Variants in ZBTB16 observed in about 807,000 individuals in gnomAD.
ZBTB16 encodes zinc finger and BTB domain containing 16.
In ZBTB16, 8 loss-of-function variants were observed where a neutral mutation model predicts 56.8. The ratio of observed to expected loss-of-function variants is 0.14; its 90% CI spans 0.08 to 0.25. The LOEUF is 0.25. Ranked by LOEUF, ZBTB16 falls within the 10% of genes least tolerant of loss-of-function variation. The pLI is 1.00. For synonymous variants in ZBTB16, 363 were observed against 368.5 expected, an observed-to-expected ratio of 0.98 and a Z score of 0.17; for missense variants, 625 against 903.0, an observed-to-expected ratio of 0.69 and a Z score of 3.95.
At chr11:114,095,245 C>CTTTTCTTTTTTTT (rs1555132749) in intron 2 of ZBTB16, among the ~76,000 whole-genome samples, 7 of 90,458 alleles carry the variant, frequency 7.7e-5, no homozygotes, top group East Asian at 2.7e-4. Flanking sequence ...CTTTTCTTTT[C>CTTTTCTTTTTTTT]TTTTTTTTTT....
intron 2 of ZBTB16, among the ~76,000 whole-genome samples, chr11:114,083,346 ATCC>A (rs1939842416): frequency 6.6e-6 from 1 of 152,170 alleles, no homozygotes; most frequent in Non-Finnish European, 1.5e-5. Flanking sequence ...CAGTATAGAC[ATCC>A]TCCTTCCCTG....
rs1565714322 is a variant in ZBTB16, at chr11:114,255,735, GA to G, written c.*5189del. On this transcript the variant is annotated 3_prime_UTR_variant, in exon 7 of 7. Coordinates refer to ENST00000335953, the MANE Select transcript of ZBTB16 (RefSeq NM_006006.6). ...ACAAGATTTAAAAAAAAAAAAAAAGGAAAAAAAAAGAAAAAATGAATTTACT... is the reference window on the plus strand; with the variant it reads ...ACAAGATTTAAAAAAAAAAAAAAAGGAAAAAAAAGAAAAAATGAATTTACT... Among the ~76,000 whole-genome samples the G allele has an allele frequency of 9.3e-5, 13 of 140,294 alleles. No individual in the cohort carries two copies. The highest frequency in any genetic ancestry group is 4.6e-4 in the South Asian group (2 of 4,310). 92.0% of individuals were successfully genotyped at this position (140,294 alleles called of 152,430 possible). A position where few individuals can be genotyped will look rare whatever the true frequency, so the allele number is the denominator to read the frequency against.
Position 114,247,087 on chromosome 11 carries a change from G to A in ZBTB16, c.1625-111G>A. The A allele has an allele frequency of 2.1e-6, 3 of 1,419,222 alleles. No homozygotes were observed. In the Admixed American group the frequency reaches 5.2e-5, roughly 24 times the overall value. The allele number at this position is 1,419,222 out of a possible 1,614,324, so 87.9% of individuals were successfully genotyped here. On this transcript the variant is annotated intron_variant, in intron 5 of 6. Transcript: ENST00000335953. ...CGTGGATCCTTAAGTTGTCTTTGGA[G>A]GTGGTGAATACAGGCCGTCGCATCC... is the stretch of plus-strand genomic sequence containing the variant.
At chr11:114,085,771 T>C (rs1939937998) in intron 2 of ZBTB16, among the ~76,000 whole-genome samples, 1 of 152,004 alleles carries the variant, frequency 6.6e-6, no homozygotes, top group South Asian at 2.1e-4. Context: ...GGTAGTGTGC[T>C]GGAATGGGGC....
intron 4 of ZBTB16, among the ~76,000 whole-genome samples, chr11:114,229,605 A>G (rs1000320293): frequency 1.3e-5 from 2 of 152,222 alleles, no homozygotes; most frequent in African/African-American, 4.8e-5. Context: ...ACTGGAAAGG[A>G]AATTCGTAGC....
At chr11:114,229,629 C>T (rs577720950) in intron 4 of ZBTB16, among the ~76,000 whole-genome samples, 47 of 152,296 alleles carry the variant, frequency 3.1e-4, no homozygotes, top group Admixed American at 1.6e-3. Context: ...GTTCTCTGCT[C>T]CTTTATCTTT....
Position 114,250,743 on chromosome 11 carries a change from C to G in ZBTB16, c.*188C>G, listed in dbSNP as rs1295336844. The G allele has an allele frequency of 1.5e-6, 1 of 653,910 alleles. No homozygotes were observed. The highest frequency in any genetic ancestry group is 2.6e-6 in the Non-Finnish European group (1 of 385,020). 40.5% of individuals were successfully genotyped at this position (653,910 alleles called of 1,614,324 possible). On this transcript the variant is annotated 3_prime_UTR_variant, in exon 7 of 7. Coordinates refer to ENST00000335953, the MANE Select transcript of ZBTB16 (RefSeq NM_006006.6). The surrounding 1 kb of genome is among the most constrained non-coding windows in gnomAD (Gnocchi z 6.0). ...TGACCTGGATGCCAAGCCACTGCCC[C>G]TCCTCTGGGGGCCTCCACCCTCCTC... is the stretch of plus-strand genomic sequence containing the variant.
At chr11:114,148,469 CTCTT>C (rs1555144000) in intron 2 of ZBTB16, among the ~76,000 whole-genome samples, 6,289 of 60,900 alleles carry the variant, frequency 0.1, 1,140 homozygotes, top group African/African-American at 0.29. Flanking sequence ...CTCTCTCTCT[CTCTT>C]TCTTTCTTTC....
chr11:114,165,067 C>T (rs1246155897), intron 3 of ZBTB16, among the ~76,000 whole-genome samples: 1 of 152,108 alleles, frequency 6.6e-6, no homozygotes. Context: ...CTGTCTCTGT[C>T]TCTCCCTGCC....
intron 3 of ZBTB16, among the ~76,000 whole-genome samples, chr11:114,158,698 C>A (rs781460863): frequency 2.0e-5 from 3 of 152,178 alleles, no homozygotes; most frequent in Non-Finnish European, 4.4e-5. Flanking sequence ...TCAGTATCCT[C>A]ATCTGTAAAA....
At position 114,063,702 on chromosome 11, in the gene ZBTB16, G is replaced by A. The variant is rs745603718; in HGVS notation, c.402G>A (p.Glu134=). ...TIQASDDNDT[E]ATMADGGAEE... Reference sequence around the variant, plus strand: ...AGGCCTCAGACGACAATGACACGGAGGCCACCATGGCCGATGGCGGGGCCG... The same window carrying A: ...AGGCCTCAGACGACAATGACACGGAAGCCACCATGGCCGATGGCGGGGCCG... The change falls in exon 2 of 7, where the codon GAG becomes GAA. Residue 134 remains glutamate, a synonymous_variant. Transcript: ENST00000335953. The surrounding 1 kb of genome is among the most constrained non-coding windows in gnomAD (Gnocchi z 6.5). 23 of 1,613,960 alleles carry A rather than the reference G, an allele frequency of 1.4e-5. No homozygotes were observed. Among genetic ancestry groups the A allele is most frequent in the Admixed American group, 1.0e-4 (6 of 60,004 alleles).
intron 4 of ZBTB16, among the ~76,000 whole-genome samples, chr11:114,198,973 G>T (rs1013664685): frequency 6.6e-6 from 1 of 152,274 alleles, no homozygotes; most frequent in African/African-American, 2.4e-5. Flanking sequence ...GGGATCAGTG[G>T]TGTTTGGCTC....
At chr11:114,242,057 C>T in intron 4 of ZBTB16, 110 bp from the exon 5 acceptor site, 1 of 1,423,856 alleles carries the variant, frequency 7.0e-7, no homozygotes, top group South Asian at 1.2e-5. Flanking sequence ...TGCCCCTGAG[C>T]ATGGGGATTT....
chr11:114,209,559 G>A (rs1011104551), intron 4 of ZBTB16: 4 of 985,288 alleles, frequency 4.1e-6, no homozygotes, highest in Admixed American at 1.2e-4. Context: ...GGAAGCAGCA[G>A]GTTGTTGACA....
rs1008127214 is a variant in ZBTB16, at chr11:114,143,040, G to A, written c.1269-13297G>A. 3.3e-5 allele frequency among the ~76,000 whole-genome samples: 5 copies of A among 152,250 alleles called. No individual in the cohort carries two copies. The highest frequency in any genetic ancestry group is 2.1e-4 in the South Asian group (1 of 4,824). On this transcript the variant is annotated intron_variant, in intron 2 of 6. Coordinates refer to ENST00000335953, the MANE Select transcript of ZBTB16 (RefSeq NM_006006.6). The surrounding 1 kb of genome is among the most constrained non-coding windows in gnomAD (Gnocchi z 6.4). Reference sequence around the variant, plus strand: ...TGTTTATGGGGAAATAAAGCCCCTGGCCAGCGTTGGTTTCTCTGCTGCCTT... The same window carrying A: ...TGTTTATGGGGAAATAAAGCCCCTGACCAGCGTTGGTTTCTCTGCTGCCTT...
chr11:114,099,964 G>A (rs928738268), intron 2 of ZBTB16, among the ~76,000 whole-genome samples: 8 of 152,164 alleles, frequency 5.3e-5, no homozygotes, highest in African/African-American at 1.4e-4. Flanking sequence ...GTCCTCTGAC[G>A]TCTAGTGGAT....
At chr11:114,243,818 C>T (rs192925859) in intron 5 of ZBTB16, among the ~76,000 whole-genome samples, 129 of 152,200 alleles carry the variant, frequency 8.5e-4, no homozygotes, top group African/African-American at 3.0e-3. Flanking sequence ...TGAATGATCT[C>T]AGTCCTGCTA....
At chr11:114,211,730 G>A (rs1229451256) in intron 4 of ZBTB16, among the ~76,000 whole-genome samples, 1 of 152,214 alleles carries the variant, frequency 6.6e-6, no homozygotes, top group Admixed American at 6.5e-5. Context: ...TGCGTTCGCA[G>A]TGGGGAGTTT....
chr11:114,076,843 C>T (rs1195404677), intron 2 of ZBTB16, among the ~76,000 whole-genome samples: 1 of 152,070 alleles, frequency 6.6e-6, no homozygotes, highest in Non-Finnish European at 1.5e-5. Flanking sequence ...TGCCACCTCT[C>T]CCGCGCCTTT....
Sources: gnomAD v4.1 joint callset for allele counts (sites outside exome capture counted in the v4.1 genomes callset) on GRCh38, gnomAD v4.1.1 for gene constraint, Gnocchi (gnomAD v3.1) non-coding constraint, MANE v1.5 for transcripts, NCBI Gene and HGNC (gene_info 2026-07-23, HGNC 2026-07-21) for gene names.